The following FBP1 variants were observed in gnomAD, a reference collection of about 807,000 sequenced individuals.
FBP1 encodes fructose-bisphosphatase 1.
In FBP1, 22 loss-of-function variants were observed where a neutral mutation model predicts 29.9. The ratio of observed to expected loss-of-function variants is 0.74; its 90% CI spans 0.53 to 1.05. The LOEUF is 1.05. FBP1 is among the 50% of genes least tolerant of loss of function. FBP1 has a pLI of 0.00. For missense variants in FBP1, 345 were observed against 448.2 expected, an observed-to-expected ratio of 0.77 and a Z score of 2.08; for synonymous variants, 175 against 178.6, an observed-to-expected ratio of 0.98 and a Z score of 0.16.
intron 3 of FBP1, among the ~76,000 whole-genome samples, chr9:94,616,447 AC>A: frequency 2.8e-5 from 2 of 71,302 alleles, no homozygotes; most frequent in African/African-American, 4.7e-5. Flanking sequence ...ATATATATAT[AC>A]TTTTTTTTTT....
chr9:94,627,933 C>G (rs1828048600), intron 1 of FBP1, among the ~76,000 whole-genome samples: 1 of 152,236 alleles, frequency 6.6e-6, no homozygotes, highest in African/African-American at 2.4e-5. Flanking sequence ...CCAGGCCTAG[C>G]TCCCTTCCCC....
At chr9:94,615,620 T>A (rs1337739272) in intron 3 of FBP1, among the ~76,000 whole-genome samples, 1 of 152,202 alleles carries the variant, frequency 6.6e-6, no homozygotes, top group Admixed American at 6.5e-5. Context: ...CCTTTTTGCC[T>A]TTCTAGTATG....
chr9:94,632,224 T>G (rs963968338), intron 1 of FBP1, among the ~76,000 whole-genome samples: 2 of 151,940 alleles, frequency 1.3e-5, no homozygotes, highest in Non-Finnish European at 2.9e-5. Flanking sequence ...ATAATATGAG[T>G]CTGATGGGAG....
At chr9:94,603,814 T>A (rs928734174) in intron 6 of FBP1, 2 of 550,472 alleles carry the variant, frequency 3.6e-6, no homozygotes, top group Admixed American at 2.7e-5. Flanking sequence ...GATTACCTGA[T>A]GCAAATGTGA....
chr9:94,613,322 T>C (rs1827812584), intron 3 of FBP1, among the ~76,000 whole-genome samples: 1 of 152,212 alleles, frequency 6.6e-6, no homozygotes, highest in African/African-American at 2.4e-5. Flanking sequence ...GCAGAAACAC[T>C]GTTTCCAAAC....
intron 5 of FBP1, among the ~76,000 whole-genome samples, chr9:94,606,047 T>C (rs911839205): frequency 4.6e-5 from 7 of 151,862 alleles, no homozygotes; most frequent in African/African-American, 1.7e-4. Flanking sequence ...GTGCGGAGCT[T>C]GGGGGCAGGA....
intron 1 of FBP1, among the ~76,000 whole-genome samples, chr9:94,635,242 T>A (rs1170456081): frequency 6.6e-6 from 1 of 152,212 alleles, no homozygotes; most frequent in Admixed American, 6.5e-5. Context: ...ACAGGCCAAG[T>A]CATCTCATCT....
At chr9:94,607,876 G>A (rs1827724161) in intron 4 of FBP1, among the ~76,000 whole-genome samples, 1 of 152,124 alleles carries the variant, frequency 6.6e-6, no homozygotes, top group Non-Finnish European at 1.5e-5. Flanking sequence ...GAGAAAGGGA[G>A]GGGAGAATTC....
chr9:94,609,382 T>C (rs1165515211), intron 4 of FBP1, among the ~76,000 whole-genome samples: 2 of 152,228 alleles, frequency 1.3e-5, no homozygotes, highest in Non-Finnish European at 2.9e-5. Context: ...GGATACAGTT[T>C]ATGGCAAACA....
upstream of FBP1, among the ~76,000 whole-genome samples, chr9:94,639,699 C>T (rs1231136859): frequency 6.6e-6 from 1 of 151,432 alleles, no homozygotes. Flanking sequence ...CGCGCCCTGC[C>T]GCCCCCTAGT....
chr9:94,634,736 A>G (rs971902956), intron 1 of FBP1, among the ~76,000 whole-genome samples: 5 of 152,192 alleles, frequency 3.3e-5, no homozygotes, highest in African/African-American at 1.2e-4. Context: ...ACTCCTTGGT[A>G]TCTAAGCCTG....
intron 3 of FBP1, among the ~76,000 whole-genome samples, chr9:94,616,722 G>A (rs182840926): frequency 1.1e-3 from 162 of 152,144 alleles, no homozygotes; most frequent in Admixed American, 1.8e-3. Flanking sequence ...GTGAGCCACC[G>A]CATCCGGCCT....
intron 1 of FBP1, among the ~76,000 whole-genome samples, chr9:94,632,060 T>G (rs28402403): frequency 0.022 from 3,318 of 152,206 alleles, 123 homozygotes; most frequent in African/African-American, 0.073. Context: ...CTGGTAAAGT[T>G]TCTAAAAGCT....
intron 1 of FBP1, among the ~76,000 whole-genome samples, chr9:94,636,390 A>ATGTG (rs1211737813): frequency 1.1e-4 from 16 of 152,070 alleles, no homozygotes; most frequent in Non-Finnish European, 1.9e-4. Context: ...AGGTGGGAGC[A>ATGTG]CCAATTCAGC....
At chr9:94,613,531 G>GC (rs1351986196) in intron 3 of FBP1, among the ~76,000 whole-genome samples, 3 of 53,976 alleles carry the variant, frequency 5.6e-5, no homozygotes, top group Non-Finnish European at 1.4e-4. Flanking sequence ...TTGGGAGGTC[G>GC]AGGCGGGAGG....
intron 1 of FBP1, among the ~76,000 whole-genome samples, chr9:94,623,090 T>C (rs555136913): frequency 6.6e-6 from 1 of 152,284 alleles, no homozygotes; most frequent in Admixed American, 6.5e-5. Flanking sequence ...GTTCAAGCGA[T>C]TCTCGTGCCT....
At chr9:94,629,308 G>A in intron 1 of FBP1, among the ~76,000 whole-genome samples, 1 of 152,122 alleles carries the variant, frequency 6.6e-6, no homozygotes, top group East Asian at 1.9e-4. Flanking sequence ...AGAAAAAGCA[G>A]AGCTGATTAG....
intron 1 of FBP1, among the ~76,000 whole-genome samples, chr9:94,635,286 G>A (rs1355160105): frequency 6.6e-6 from 1 of 152,212 alleles, no homozygotes. Flanking sequence ...TGTATGAGGA[G>A]GTGATAGACT....
chr9:94,634,740 A>G (rs1426468679), intron 1 of FBP1, among the ~76,000 whole-genome samples: 1 of 152,198 alleles, frequency 6.6e-6, no homozygotes, highest in Non-Finnish European at 1.5e-5. Context: ...CTTGGTATCT[A>G]AGCCTGAATT....
Sources: gnomAD v4.1 joint callset for allele counts (sites outside exome capture counted in the v4.1 genomes callset) on GRCh38, gnomAD v4.1.1 for gene constraint, MANE v1.5 for transcripts, NCBI Gene and HGNC (gene_info 2026-07-23, HGNC 2026-07-21) for gene names.